GLIS3: variants seen among roughly 807,000 people sequenced by gnomAD.
The protein encoded by GLIS3 is zinc finger protein GLIS3.
GLIS3 carries 53 observed loss-of-function variants against 78.6 expected under a neutral mutation model. The observed-to-expected ratio is 0.67, with a 90% CI of 0.54 to 0.85. The LOEUF (loss-of-function observed/expected upper bound fraction) is 0.85. Ranked by LOEUF, GLIS3 falls within the 40% of genes least tolerant of loss-of-function variation. GLIS3 has a pLI of 0.00. For synonymous variants in GLIS3, 684 were observed against 509.9 expected (o/e 1.34, Z -4.60); for missense variants, 1,703 against 1,231.1 (o/e 1.38, Z -5.74).
At chr9:4,372,277 A>C in the GLIS3 span, among the ~76,000 whole-genome samples, 1 of 152,164 alleles carries the variant, frequency 6.6e-6, no homozygotes, top group Admixed American at 6.6e-5. Flanking sequence ...TGCCATCTTG[A>C]AACTTTTAAT....
chr9:4,445,659 T>A, the GLIS3 span, among the ~76,000 whole-genome samples: 1 of 151,952 alleles, frequency 6.6e-6, no homozygotes, highest in East Asian at 1.9e-4. Context: ...GAAATAAAAA[T>A]AAACTAGTCT....
intron 4 of GLIS3, among the ~76,000 whole-genome samples, chr9:4,026,438 C>T (rs1263666494): frequency 6.6e-6 from 1 of 152,078 alleles, no homozygotes; most frequent in Non-Finnish European, 1.5e-5. Flanking sequence ...TATGAAAGCT[C>T]AACAAAAGCA....
In GLIS3 at chr9:4,117,801, T is replaced by C. The variant is rs368227575; in HGVS notation, c.1677A>G (p.Arg559=). Residue 559 remains arginine (R), a synonymous_variant, in exon 4 of 11, where the codon AGA becomes AGG. Coordinates refer to ENST00000381971, the MANE Select transcript of GLIS3 (RefSeq NM_001042413.2). ...TGTTGGGCTTCTCCCCAGAGTGGAC[T>C]CTCATGTGGATCAGCAGTTTATAGC... ...NARYKLLIHM[R]VHSGEKPNKC... The C allele has an allele frequency of 6.2e-7, 1 of 1,614,008 alleles. No individual in the cohort carries two copies. The highest frequency in any genetic ancestry group is 1.3e-5 in the African/African-American group (1 of 74,900).
the GLIS3 span, among the ~76,000 whole-genome samples, chr9:4,466,473 C>T: frequency 3.3e-5 from 5 of 152,148 alleles, no homozygotes; most frequent in African/African-American, 1.2e-4. Context: ...CAAAACGAGA[C>T]AAAGGCATCA....
chr9:3,845,127 AT>A (rs1818952130), intron 9 of GLIS3, among the ~76,000 whole-genome samples: 1 of 152,106 alleles, frequency 6.6e-6, no homozygotes, highest in African/African-American at 2.4e-5. Flanking sequence ...ATATGAAGAG[AT>A]TTAACAGAAT....
At chr9:4,253,313 G>A (rs909954589) in intron 2 of GLIS3, among the ~76,000 whole-genome samples, 2 of 152,232 alleles carry the variant, frequency 1.3e-5, no homozygotes, top group Admixed American at 6.5e-5. Context: ...ACCCAGAGAG[G>A]GGGAATCTAC....
At chr9:4,064,140 T>C (rs1259774039) in intron 4 of GLIS3, among the ~76,000 whole-genome samples, 3 of 150,630 alleles carry the variant, frequency 2.0e-5, no homozygotes, top group South Asian at 2.1e-4. Context: ...ATTGTCTCAA[T>C]AGGAAAATGA....
At chr9:3,958,430 G>T (rs1817307857) in intron 4 of GLIS3, among the ~76,000 whole-genome samples, 1 of 151,872 alleles carries the variant, frequency 6.6e-6, no homozygotes, top group Admixed American at 6.6e-5. Flanking sequence ...AAGAAGTTAA[G>T]CAATAATGCC....
At chr9:3,961,739 C>T (rs755857450) in intron 4 of GLIS3, among the ~76,000 whole-genome samples, 2 of 152,154 alleles carry the variant, frequency 1.3e-5, no homozygotes, top group African/African-American at 4.8e-5. Flanking sequence ...AAGAACATAT[C>T]TATTAATTTC....
At chr9:4,363,528 A>G in the GLIS3 span, among the ~76,000 whole-genome samples, 1 of 152,248 alleles carries the variant, frequency 6.6e-6, no homozygotes, top group African/African-American at 2.4e-5. Context: ...AACTTCAAAC[A>G]TATTTAAGAT....
intron 2 of GLIS3, among the ~76,000 whole-genome samples, chr9:4,137,199 A>AG (rs1318940941): frequency 6.6e-6 from 1 of 152,186 alleles, no homozygotes; most frequent in Non-Finnish European, 1.5e-5. Context: ...TAAATGGGAG[A>AG]GGGGGGCCAT....
chr9:3,880,657 G>T (rs1278413356), intron 7 of GLIS3, among the ~76,000 whole-genome samples: 1 of 152,162 alleles, frequency 6.6e-6, no homozygotes, highest in Non-Finnish European at 1.5e-5. Context: ...AGATTTGAGG[G>T]TTTAAAAGTT....
intron 6 of GLIS3, among the ~76,000 whole-genome samples, chr9:3,918,121 A>G (rs760813891): frequency 1.3e-5 from 2 of 152,186 alleles, no homozygotes; most frequent in Admixed American, 6.5e-5. Context: ...AGATAGAGTC[A>G]TGTCTTTCAA....
chr9:4,442,815 T>C, the GLIS3 span, among the ~76,000 whole-genome samples: 3 of 152,182 alleles, frequency 2.0e-5, no homozygotes, highest in Admixed American at 2.0e-4. Context: ...TTTCATTTTT[T>C]TTCTCCCTCT....
chr9:4,227,209 G>T (rs531586431), intron 2 of GLIS3, among the ~76,000 whole-genome samples: 9 of 151,876 alleles, frequency 5.9e-5, no homozygotes, highest in Non-Finnish European at 1.0e-4. Context: ...CCTCGGTTGG[G>T]TGTTCCATCC....
At chr9:4,010,236 G>C (rs897630799) in intron 4 of GLIS3, among the ~76,000 whole-genome samples, 6 of 152,220 alleles carry the variant, frequency 3.9e-5, no homozygotes, top group African/African-American at 1.4e-4. Flanking sequence ...TTGGACTCTT[G>C]ATCCCAACTC....
chr9:4,010,239 C>T (rs764602775), intron 4 of GLIS3, among the ~76,000 whole-genome samples: 1 of 152,176 alleles, frequency 6.6e-6, no homozygotes, highest in Non-Finnish European at 1.5e-5. Context: ...GACTCTTGAT[C>T]CCAACTCTGC....
At chr9:3,933,180 T>C (rs1382145975) in intron 5 of GLIS3, among the ~76,000 whole-genome samples, 1 of 151,646 alleles carries the variant, frequency 6.6e-6, no homozygotes, top group African/African-American at 2.4e-5. Flanking sequence ...GAGTCTAGCC[T>C]CTTTTTTTTT....
intron 4 of GLIS3, among the ~76,000 whole-genome samples, chr9:4,101,872 A>G (rs1830396345): frequency 6.6e-6 from 1 of 152,158 alleles, no homozygotes; most frequent in Non-Finnish European, 1.5e-5. Flanking sequence ...ACTTATTCCA[A>G]TCAGAAGAAT....
Sources: gnomAD v4.1 joint callset for allele counts (sites outside exome capture counted in the v4.1 genomes callset) on GRCh38, gnomAD v4.1.1 for gene constraint, MANE v1.5 for transcripts, NCBI Gene and HGNC (gene_info 2026-07-23, HGNC 2026-07-21) for gene names.